The following TMTC1 variants were observed in gnomAD, a reference collection of about 807,000 sequenced individuals.
TMTC1 encodes transmembrane O-mannosyltransferase targeting cadherins 1, also known as protein O-mannosyl-transferase TMTC1.
A neutral mutation model predicts 104.8 loss-of-function variants in TMTC1; 73 were observed. The observed-to-expected ratio is 0.70, with a 90% CI of 0.58 to 0.85. The LOEUF (loss-of-function observed/expected upper bound fraction) is 0.85. TMTC1 is among the 40% of genes least tolerant of loss of function. The probability of loss-of-function intolerance (pLI) is 0.00; values close to 1 mark genes in which losing one functional copy is unlikely to be tolerated. For missense variants in TMTC1, 1,035 were observed against 1,096.1 expected, an observed-to-expected ratio of 0.94 and a Z score of 0.79; for synonymous variants, 434 against 428.7, an observed-to-expected ratio of 1.01 and a Z score of -0.15.
At chr12:29,591,338 C>T (rs1054033575) in intron 7 of TMTC1, among the ~76,000 whole-genome samples, 10 of 152,250 alleles carry the variant, frequency 6.6e-5, no homozygotes, top group East Asian at 1.9e-4. Flanking sequence ...CAATGAGAAA[C>T]GACATGCTTT....
At chr12:29,669,057 G>C (rs1940401867) in intron 5 of TMTC1, among the ~76,000 whole-genome samples, 1 of 152,186 alleles carries the variant, frequency 6.6e-6, no homozygotes, top group Non-Finnish European at 1.5e-5. Context: ...CAACCAGCCT[G>C]TCCCACAGAG....
At chr12:29,688,134 G>A (rs563933965) in intron 5 of TMTC1, among the ~76,000 whole-genome samples, 6 of 152,116 alleles carry the variant, frequency 3.9e-5, no homozygotes, top group Admixed American at 6.5e-5. Flanking sequence ...TGGGTTTCAC[G>A]TGCTGATTTG....
At chr12:29,760,271 T>C (rs1371195290) in intron 2 of TMTC1, among the ~76,000 whole-genome samples, 3 of 152,206 alleles carry the variant, frequency 2.0e-5, no homozygotes, top group East Asian at 1.9e-4. Context: ...TACATACATA[T>C]ATACAGCAAG....
chr12:29,714,282 C>T (rs915177413), intron 5 of TMTC1, among the ~76,000 whole-genome samples: 2 of 152,208 alleles, frequency 1.3e-5, no homozygotes, highest in African/African-American at 4.8e-5. Flanking sequence ...CATTTAAGTG[C>T]TTTTCCTCAT....
intron 5 of TMTC1, among the ~76,000 whole-genome samples, chr12:29,643,534 TAA>T (rs74217157): frequency 0.21 from 18,343 of 87,658 alleles, 2,185 homozygotes; most frequent in African/African-American, 0.25. Context: ...ATAAAATATA[TAA>T]TATATATCAC....
intron 5 of TMTC1, among the ~76,000 whole-genome samples, chr12:29,666,838 A>G (rs1940306568): frequency 6.6e-6 from 1 of 152,220 alleles, no homozygotes; most frequent in Admixed American, 6.5e-5. Context: ...GCAACAAATC[A>G]TAAACAGTGA....
At chr12:29,732,260 T>C (rs1298103036) in intron 5 of TMTC1, among the ~76,000 whole-genome samples, 1 of 152,138 alleles carries the variant, frequency 6.6e-6, no homozygotes, top group African/African-American at 2.4e-5. Flanking sequence ...AAGGACTGAC[T>C]TTACACAGGA....
At position 29,572,088 on chromosome 12, in the gene TMTC1, C is replaced by A. The variant is rs1945694015; in HGVS notation, c.1532+17G>T. The stretch of plus-strand genomic sequence containing the variant: ...TTTAAAGCACCAAGGCCAACACCCT[C>A]CCTGTGTGGCGCTTACTTGAGAGCT... On this transcript the variant is annotated intron_variant, in intron 9 of 17. Coordinates refer to ENST00000539277, the MANE Select transcript of TMTC1 (RefSeq NM_001193451.2). 6.3e-7 allele frequency: 1 copy of A among 1,598,682 alleles called. No homozygotes were observed. The highest frequency in any genetic ancestry group is 1.3e-5 in the African/African-American group (1 of 74,588).
intron 5 of TMTC1, among the ~76,000 whole-genome samples, chr12:29,685,930 TAA>T (rs74950953): frequency 0.014 from 1,744 of 129,150 alleles, 32 homozygotes; most frequent in African/African-American, 0.046. Flanking sequence ...GCAAGATTGT[TAA>T]AAAAAAAAAA....
chr12:29,562,871 T>G (rs1327450757), intron 9 of TMTC1, among the ~76,000 whole-genome samples: 1 of 152,226 alleles, frequency 6.6e-6, no homozygotes, highest in Admixed American at 6.5e-5. Flanking sequence ...TGGCTCCCTC[T>G]AGCCCTGATG....
At chr12:29,761,361 T>C (rs1943344693) in intron 2 of TMTC1, among the ~76,000 whole-genome samples, 3 of 151,824 alleles carry the variant, frequency 2.0e-5, no homozygotes, top group African/African-American at 2.4e-5. Context: ...TTTTTATATA[T>C]TGAGAGAGAA....
intron 5 of TMTC1, among the ~76,000 whole-genome samples, chr12:29,642,145 C>T (rs184725233): frequency 2.6e-5 from 4 of 152,248 alleles, no homozygotes; most frequent in Admixed American, 2.0e-4. Flanking sequence ...GAAGAGGATT[C>T]TAAAAGCTTG....
chr12:29,630,785 G>A (rs530298249), intron 6 of TMTC1, among the ~76,000 whole-genome samples: 1 of 152,142 alleles, frequency 6.6e-6, no homozygotes, highest in African/African-American at 2.4e-5. Flanking sequence ...TCAGTAGGTG[G>A]AGATAGGTAG....
chr12:29,617,509 G>A (rs968696971), intron 6 of TMTC1, among the ~76,000 whole-genome samples: 115 of 149,102 alleles, frequency 7.7e-4, no homozygotes, highest in Middle Eastern at 3.5e-3. Context: ...AGGCTCTTGG[G>A]AAAACATCAG....
At chr12:29,515,410 G>A (rs193239527) in intron 15 of TMTC1, among the ~76,000 whole-genome samples, 3 of 152,306 alleles carry the variant, frequency 2.0e-5, no homozygotes, top group South Asian at 2.1e-4. Context: ...CCTCCCAGCA[G>A]CCTGTGCTTG....
intron 1 of TMTC1, among the ~76,000 whole-genome samples, chr12:29,773,482 A>G (rs954089039): frequency 6.6e-6 from 1 of 152,148 alleles, no homozygotes; most frequent in Non-Finnish European, 1.5e-5. Context: ...CACAGCAGAG[A>G]AGGACTAGAG....
chr12:29,570,683 A>T (rs569729291), intron 9 of TMTC1, among the ~76,000 whole-genome samples: 70 of 152,256 alleles, frequency 4.6e-4, no homozygotes, highest in African/African-American at 1.6e-3. Flanking sequence ...GTCTCTGCTA[A>T]AAATACAAAA....
At chr12:29,764,988 C>T (rs1943430599) in intron 2 of TMTC1, among the ~76,000 whole-genome samples, 1 of 152,306 alleles carries the variant, frequency 6.6e-6, no homozygotes, top group African/African-American at 2.4e-5. Flanking sequence ...TTCTTTCACG[C>T]AGTAATTGTC....
intron 1 of TMTC1, among the ~76,000 whole-genome samples, chr12:29,770,336 A>G (rs775011974): frequency 1.3e-5 from 2 of 152,182 alleles, no homozygotes; most frequent in Admixed American, 1.3e-4. Context: ...CATATGTGTC[A>G]TATCTGAAAA....
Sources: allele counts gnomAD v4.1 joint callset (sites outside exome capture counted in the v4.1 genomes callset), GRCh38; gene constraint gnomAD v4.1.1; transcripts MANE v1.5; gene names NCBI Gene and HGNC (gene_info 2026-07-23, HGNC 2026-07-21).